SCHIP1: variants seen among roughly 807,000 people sequenced by gnomAD.
The protein encoded by SCHIP1 is schwannomin-interacting protein 1.
A neutral mutation model predicts 29.7 loss-of-function variants in SCHIP1; 8 were observed. The ratio of observed to expected loss-of-function variants is 0.27; its 90% confidence interval spans 0.16 to 0.49. SCHIP1 has a LOEUF of 0.49. SCHIP1 is among the 20% of genes least tolerant of loss of function. The pLI is 0.99. For missense variants in SCHIP1, 193 were observed against 294.6 expected (o/e 0.66, Z 2.52); for synonymous variants, 76 against 94.9 (o/e 0.80, Z 1.16).
At chr3:159,750,183 A>G in the SCHIP1 span, among the ~76,000 whole-genome samples, 2 of 151,282 alleles carry the variant, frequency 1.3e-5, no homozygotes, top group Non-Finnish European at 2.9e-5. Flanking sequence ...GAATAAAGTT[A>G]TAAGATTACT....
chr3:159,438,067 T>C, the SCHIP1 span, among the ~76,000 whole-genome samples: 1 of 152,182 alleles, frequency 6.6e-6, no homozygotes, highest in East Asian at 1.9e-4. Context: ...CTCTGGAATA[T>C]GATAAGCACT....
chr3:159,622,016 G>A, the SCHIP1 span, among the ~76,000 whole-genome samples: 2 of 152,200 alleles, frequency 1.3e-5, no homozygotes, highest in Non-Finnish European at 2.9e-5. Context: ...AAGGCCCCTG[G>A]CAAAACCTCT....
At chr3:159,320,377 G>T in the SCHIP1 span, among the ~76,000 whole-genome samples, 1 of 152,062 alleles carries the variant, frequency 6.6e-6, no homozygotes, top group Non-Finnish European at 1.5e-5. Context: ...CCTGACCATG[G>T]AGGCACCCTG....
intron 1 of SCHIP1, among the ~76,000 whole-genome samples, chr3:159,860,523 G>C (rs750428370): frequency 1.3e-5 from 2 of 152,172 alleles, no homozygotes; most frequent in Non-Finnish European, 2.9e-5. Context: ...TGCTAGACGT[G>C]GTATCTGTAG....
At chr3:159,491,302 G>A in the SCHIP1 span, among the ~76,000 whole-genome samples, 17 of 152,216 alleles carry the variant, frequency 1.1e-4, no homozygotes, top group Non-Finnish European at 2.2e-4. Context: ...GAAGCAGGGC[G>A]AGGCATCGCC....
the SCHIP1 span, among the ~76,000 whole-genome samples, chr3:159,634,780 C>T: frequency 6.6e-6 from 1 of 152,168 alleles, no homozygotes; most frequent in African/African-American, 2.4e-5. Flanking sequence ...CATTTGGAGC[C>T]ATTCTTCTCT....
the SCHIP1 span, among the ~76,000 whole-genome samples, chr3:159,358,840 T>C: frequency 2.0e-5 from 3 of 150,544 alleles, no homozygotes; most frequent in African/African-American, 7.3e-5. Flanking sequence ...TATGAGAGAC[T>C]CCCTTGGTAA....
chr3:159,356,060 C>T, the SCHIP1 span, among the ~76,000 whole-genome samples: 1 of 152,130 alleles, frequency 6.6e-6, no homozygotes, highest in Non-Finnish European at 1.5e-5. Flanking sequence ...ACCACACTGT[C>T]TTCCACAATG....
At chr3:159,427,366 A>G in the SCHIP1 span, among the ~76,000 whole-genome samples, 25 of 151,824 alleles carry the variant, frequency 1.6e-4, no homozygotes, top group African/African-American at 6.0e-4. Context: ...AGGATACAAA[A>G]TCAATGTACA....
chr3:159,319,228 T>C, the SCHIP1 span, among the ~76,000 whole-genome samples: 3 of 152,206 alleles, frequency 2.0e-5, no homozygotes, highest in Admixed American at 2.0e-4. Flanking sequence ...TCTCCTGTTC[T>C]GGACCCCACT....
At chr3:159,325,576 A>G in the SCHIP1 span, among the ~76,000 whole-genome samples, 1 of 152,100 alleles carries the variant, frequency 6.6e-6, no homozygotes, top group East Asian at 1.9e-4. Flanking sequence ...CCTCTCTATC[A>G]TCTCCATCTA....
the SCHIP1 span, among the ~76,000 whole-genome samples, chr3:159,451,489 T>A: frequency 6.6e-6 from 1 of 152,242 alleles, no homozygotes; most frequent in Admixed American, 6.5e-5. Context: ...AACAGTCAAT[T>A]AGAAAAACAT....
Position 159,893,649 on chromosome 3 carries a change from G to A in SCHIP1, c.683+1459G>A, listed in dbSNP as rs575395660. 5 of 152,186 alleles carry A rather than the reference G, an allele frequency of 3.3e-5. No homozygotes were observed. The East Asian group carries it at 9.7e-4, about 29-fold the overall frequency. The allele number at this position is 152,186 out of a possible 1,614,324, so 9.4% of individuals were successfully genotyped here. ...CCCCTCCTCTTCTCTCTAAGTGTTA[G>A]GCTAATACTTAGGTTTGCAGTGTAT... On this transcript the variant is annotated intron_variant, in intron 6 of 6. Transcript: ENST00000445224.
chr3:159,405,180 A>G, the SCHIP1 span, among the ~76,000 whole-genome samples: 1 of 152,146 alleles, frequency 6.6e-6, no homozygotes, highest in East Asian at 1.9e-4. Flanking sequence ...ACAGGTACAA[A>G]CAAGTCCAGA....
At chr3:159,883,934 C>T (rs368025469) in intron 2 of SCHIP1, among the ~76,000 whole-genome samples, 2 of 152,166 alleles carry the variant, frequency 1.3e-5, no homozygotes, top group East Asian at 1.9e-4. Context: ...TCAGCGTGGC[C>T]GCAGAACAAC....
the SCHIP1 span, among the ~76,000 whole-genome samples, chr3:159,731,079 T>C: frequency 6.6e-6 from 1 of 152,274 alleles, no homozygotes; most frequent in East Asian, 1.9e-4. Context: ...TTTTAAAAGA[T>C]CCCAAATCTG....
At chr3:159,778,060 C>G in the SCHIP1 span, among the ~76,000 whole-genome samples, 1 of 152,080 alleles carries the variant, frequency 6.6e-6, no homozygotes, top group Non-Finnish European at 1.5e-5. Flanking sequence ...TCTTGGCTCA[C>G]TGCACCCGCC....
chr3:159,291,849 C>T, the SCHIP1 span, among the ~76,000 whole-genome samples: 4,213 of 151,906 alleles, frequency 0.028, 192 homozygotes, highest in African/African-American at 0.097. Context: ...ACAATTGACT[C>T]GGGTTCTTCA....
At chr3:159,728,000 T>C in the SCHIP1 span, among the ~76,000 whole-genome samples, 2 of 148,214 alleles carry the variant, frequency 1.3e-5, no homozygotes, top group East Asian at 2.0e-4. Flanking sequence ...AATCCTGTTT[T>C]TGTTTTTTTT....
Sources: allele counts gnomAD v4.1 joint callset (sites outside exome capture counted in the v4.1 genomes callset), GRCh38; gene constraint gnomAD v4.1.1; transcripts MANE v1.5; gene names NCBI Gene and HGNC (gene_info 2026-07-23, HGNC 2026-07-21).